The following TPRG1 variants were observed in gnomAD, a reference collection of about 807,000 sequenced individuals.
The protein encoded by TPRG1 is tumor protein p63-regulated gene 1 protein.
In TPRG1, 29 loss-of-function variants were observed where a neutral mutation model predicts 29.3. That is an observed-to-expected ratio of 0.99 (90% CI 0.74 to 1.35). The LOEUF is 1.35. TPRG1 is among the 40% of genes most tolerant of loss of function. The pLI is 0.00. For synonymous variants in TPRG1, 130 were observed against 116.8 expected, an observed-to-expected ratio of 1.11 and a Z score of -0.73; for missense variants, 327 against 335.0, an observed-to-expected ratio of 0.98 and a Z score of 0.19.
intron 3 of TPRG1, among the ~76,000 whole-genome samples, chr3:189,144,869 A>G (rs564019153): frequency 6.6e-6 from 1 of 152,352 alleles, no homozygotes; most frequent in Admixed American, 6.5e-5. Flanking sequence ...GTGATTGCAC[A>G]TAAGCAGGTG....
At chr3:189,056,754 A>T (rs1056832135) in intron 4 of TPRG1, among the ~76,000 whole-genome samples, 1 of 152,160 alleles carries the variant, frequency 6.6e-6, no homozygotes, top group African/African-American at 2.4e-5. Context: ...AGACAGATGA[A>T]CAGATTGAAT....
chr3:189,035,855 A>G (rs1284077647), intron 4 of TPRG1, among the ~76,000 whole-genome samples: 1 of 152,178 alleles, frequency 6.6e-6, no homozygotes, highest in African/African-American at 2.4e-5. Flanking sequence ...CGTGGAAAGT[A>G]GTTTTGAGAT....
rs1725570560 is a variant in TPRG1 at position 189,148,751 on chromosome 3, G to A, written c.-227+1104G>A. Among the ~76,000 whole-genome samples, 4 of 152,094 alleles carry A rather than the reference G, an allele frequency of 2.6e-5. No individual in the cohort carries two copies. The South Asian group carries it at 8.3e-4, about 32-fold the overall frequency. ...TAAAGCAATATGAAAAACAAGTGTC[G>A]GTACACACGCTTTTCAAACATTTGG... is the stretch of plus-strand genomic sequence containing the variant. On this transcript the variant is annotated intron_variant, in intron 4 of 6. Transcript: ENST00000412373.
chr3:189,090,342 A>G (rs1390288835), intron 4 of TPRG1, among the ~76,000 whole-genome samples: 1 of 152,158 alleles, frequency 6.6e-6, no homozygotes, highest in East Asian at 1.9e-4. Context: ...CTTTAAGATC[A>G]GAATCTCTGA....
intron 4 of TPRG1, among the ~76,000 whole-genome samples, chr3:189,263,122 T>C (rs1477220963): frequency 6.6e-6 from 1 of 152,222 alleles, no homozygotes; most frequent in Non-Finnish European, 1.5e-5. Flanking sequence ...GGGAGGCTCT[T>C]CCAGAAGGGC....
At chr3:189,017,013 G>T (rs967472734) in intron 3 of TPRG1, among the ~76,000 whole-genome samples, 1 of 152,098 alleles carries the variant, frequency 6.6e-6, no homozygotes, top group Non-Finnish European at 1.5e-5. Context: ...GCTCCTGGAT[G>T]ATATCCTGAA....
At chr3:189,279,997 C>T (rs927906979) in intron 4 of TPRG1, among the ~76,000 whole-genome samples, 2 of 152,052 alleles carry the variant, frequency 1.3e-5, no homozygotes, top group Non-Finnish European at 2.9e-5. Context: ...TGGAAAACCT[C>T]TGAGCGGGAT....
chr3:189,023,201 G>T (rs1323996428), intron 3 of TPRG1, among the ~76,000 whole-genome samples: 1 of 152,196 alleles, frequency 6.6e-6, no homozygotes, highest in South Asian at 2.1e-4. Flanking sequence ...CGTCGCTCAC[G>T]CTGGGAGCTG....
intron 3 of TPRG1, among the ~76,000 whole-genome samples, chr3:189,018,755 C>G (rs1713107076): frequency 6.6e-6 from 1 of 150,546 alleles, no homozygotes; most frequent in South Asian, 2.1e-4. Context: ...TAGTTTTTTC[C>G]AATTCTGTGA....
At chr3:189,056,021 TTCCCTCCC>T (rs1371645255) in intron 4 of TPRG1, among the ~76,000 whole-genome samples, 1 of 100,248 alleles carries the variant, frequency 1.0e-5, no homozygotes, top group East Asian at 3.8e-4. Context: ...CCTCCCTCCC[TTCCCTCCC>T]TCCCTTCCTT....
intron 1 of TPRG1, among the ~76,000 whole-genome samples, chr3:189,125,813 TTG>T (rs751689409): frequency 0.096 from 11,900 of 123,730 alleles, 612 homozygotes; most frequent in Non-Finnish European, 0.13. Context: ...GCAGGGTGTT[TTG>T]TGTGTGTGTG....
chr3:189,309,440 G>A (rs1348151955), intron 4 of TPRG1, among the ~76,000 whole-genome samples: 2 of 152,118 alleles, frequency 1.3e-5, no homozygotes, highest in African/African-American at 2.4e-5. Context: ...TGAGACATCC[G>A]TGAAGTTCCA....
At chr3:189,317,728 G>A (rs137935422) in intron 5 of TPRG1, among the ~76,000 whole-genome samples, 1 of 152,290 alleles carries the variant, frequency 6.6e-6, no homozygotes, top group East Asian at 1.9e-4. Flanking sequence ...ATGTCCCAGT[G>A]TCCCAGTGAG....
chr3:189,081,920 G>A (rs1213048960), intron 4 of TPRG1, among the ~76,000 whole-genome samples: 2 of 152,096 alleles, frequency 1.3e-5, no homozygotes, highest in African/African-American at 2.4e-5. Context: ...GGGATTCATC[G>A]AGATTTAGCT....
chr3:189,098,608 T>C (rs1216496717), upstream of TPRG1, among the ~76,000 whole-genome samples: 1 of 150,834 alleles, frequency 6.6e-6, no homozygotes, highest in African/African-American at 2.4e-5. Flanking sequence ...GGACAGGGAG[T>C]GGGTTGTTCT....
intron 4 of TPRG1, among the ~76,000 whole-genome samples, chr3:189,295,047 C>A (rs1020119273): frequency 6.6e-6 from 1 of 152,226 alleles, no homozygotes; most frequent in Non-Finnish European, 1.5e-5. Context: ...CCCACATTCA[C>A]GCCTTTGTTT....
chr3:189,022,874 A>C (rs938370977), intron 3 of TPRG1, among the ~76,000 whole-genome samples: 3 of 152,230 alleles, frequency 2.0e-5, no homozygotes, highest in Non-Finnish European at 4.4e-5. Context: ...GCTAGCAATC[A>C]GCGAGACTCC....
chr3:189,198,324 C>T (rs1732896086), intron 1 of TPRG1, among the ~76,000 whole-genome samples: 1 of 152,174 alleles, frequency 6.6e-6, no homozygotes, highest in African/African-American at 2.4e-5. Context: ...TCTTCTGTCT[C>T]TATGGTGTTT....
chr3:189,310,190 C>T (rs1722259087), intron 4 of TPRG1, 196 bp from the exon 5 acceptor site: 1 of 380,038 alleles, frequency 2.6e-6, no homozygotes, highest in Admixed American at 4.0e-5. Flanking sequence ...AGGTGTTTCC[C>T]ATATAGAATT....
Sources: gnomAD v4.1 joint callset for allele counts (sites outside exome capture counted in the v4.1 genomes callset) on GRCh38, gnomAD v4.1.1 for gene constraint, MANE v1.5 for transcripts, NCBI Gene and HGNC (gene_info 2026-07-23, HGNC 2026-07-21) for gene names.